Variants in TRIM37 observed in about 807,000 individuals in gnomAD.
TRIM37 encodes tripartite motif containing 37.
TRIM37 carries 80 observed loss-of-function variants against 129.8 expected under a neutral mutation model. The ratio of observed to expected loss-of-function variants is 0.62; its 90% CI spans 0.51 to 0.74. TRIM37 has a LOEUF of 0.74. TRIM37 is among the 30% of genes least tolerant of loss of function. The pLI is 0.00. For missense variants in TRIM37, 1,054 were observed against 1,176.5 expected (o/e 0.90, Z 1.52); for synonymous variants, 389 against 387.1 (o/e 1.00, Z -0.06).
chr17:59,042,440 AAAAAAAAAAAT>A (rs1568065487), intron 16 of TRIM37, among the ~76,000 whole-genome samples: 32 of 65,422 alleles, frequency 4.9e-4, no homozygotes, highest in Non-Finnish European at 7.5e-4. Context: ...TTAAAAAAAA[AAAAAAAAAAAT>A]ATATATATAT....
At chr17:58,982,826 T>C (rs1219279381) in exon 25 of TRIM37, 3 of 1,316,932 alleles carry the variant, frequency 2.3e-6, no homozygotes, top group Non-Finnish European at 3.2e-6. Flanking sequence ...ATTCTGAGGC[T>C]TTGCCCCACA....
At position 59,051,737 on chromosome 17, in the gene TRIM37, T is replaced by G. The variant is rs562572124; in HGVS notation, c.1200-409A>C. The stretch of plus-strand genomic sequence containing the variant: ...TGAGGCCCCAGCAAAATACAAAGTT[T>G]TTTTTTTTTTTGAGACGGAGTCTCG... On this transcript the variant is annotated intron_variant, in intron 13 of 23. Coordinates refer to ENST00000262294, the MANE Select transcript of TRIM37 (RefSeq NM_015294.6). Among the ~76,000 whole-genome samples the G allele has an allele frequency of 1.9e-4, 29 of 151,996 alleles. 1 individual carries two copies. In the South Asian group the frequency reaches 6.0e-3, roughly 32 times the overall value.
rs780072740 is a variant in TRIM37, at chr17:59,001,769, G to T, written c.2696-55C>A. ...GAAAAGAAACCACTGTAAGTAAAAG[G>T]AAACAGAAATCTCCGTATCTGCTAA... On this transcript the variant is annotated intron_variant, in intron 22 of 23. Transcript: ENST00000262294. 6 of 1,604,480 alleles carry T rather than the reference G, an allele frequency of 3.7e-6. No homozygotes were observed. In the Admixed American group the frequency reaches 1.0e-4, roughly 27 times the overall value.
intron 19 of TRIM37, among the ~76,000 whole-genome samples, chr17:59,019,683 G>A (rs574437962): frequency 1.3e-5 from 2 of 151,994 alleles, no homozygotes; most frequent in Non-Finnish European, 2.9e-5. Flanking sequence ...GCTCCAGCCT[G>A]GGTAACAGGG....
At chr17:59,026,724 G>A (rs1351765864) in intron 19 of TRIM37, among the ~76,000 whole-genome samples, 4 of 152,112 alleles carry the variant, frequency 2.6e-5, no homozygotes, top group Non-Finnish European at 4.4e-5. Flanking sequence ...TAAAGAAGTT[G>A]TGCATTTGTG....
intron 19 of TRIM37, among the ~76,000 whole-genome samples, chr17:59,021,171 C>G (rs1305440350): frequency 1.3e-5 from 2 of 152,162 alleles, no homozygotes; most frequent in Non-Finnish European, 2.9e-5. Context: ...TCAAGTGGAT[C>G]ATTTGAGGTC....
chr17:59,104,724 T>C (rs934793221), intron 1 of TRIM37, among the ~76,000 whole-genome samples: 8 of 152,132 alleles, frequency 5.3e-5, no homozygotes, highest in African/African-American at 1.9e-4. Context: ...ATTATGGCAG[T>C]TACACATAGA....
rs2043217820 is a variant in TRIM37 at position 59,081,132 on chromosome 17, G to A, written c.457C>T (p.Arg153Cys). The change falls in exon 6 of 24, where the codon CGT becomes TGT. Residue 153 changes from arginine (R) to cysteine (C), a missense_variant. Coordinates refer to ENST00000262294, the MANE Select transcript of TRIM37 (RefSeq NM_015294.6). Reference protein sequence around the residue: ...VNEEVAKLRRRLMELISLVQE... With the variant: ...VNEEVAKLRRCLMELISLVQE... ...ACTAAGCTGATCAGTTCCATGAGACGCCGACGAAGTTTGGCTACCTCTTCA... is the reference window on the plus strand; with the variant it reads ...ACTAAGCTGATCAGTTCCATGAGACACCGACGAAGTTTGGCTACCTCTTCA... The A allele has an allele frequency of 2.5e-6, 4 of 1,613,406 alleles. No homozygotes were observed. Among genetic ancestry groups the A allele is most frequent in the Non-Finnish European group, 3.4e-6 (4 of 1,179,712 alleles).
chr17:59,052,957 AAAATCAAATCAAATC>A (rs60696585), intron 13 of TRIM37, among the ~76,000 whole-genome samples: 80 of 142,436 alleles, frequency 5.6e-4, no homozygotes, highest in Admixed American at 3.3e-3. Context: ...TCTGTCTCAA[AAAATCAAATCAAATC>A]AAATCAAATC....
chr17:59,027,118 CCTCT>C (rs1001418934), intron 19 of TRIM37, among the ~76,000 whole-genome samples: 3 of 152,144 alleles, frequency 2.0e-5, no homozygotes, highest in South Asian at 2.1e-4. Flanking sequence ...CCAGCATTGA[CCTCT>C]CTCTGAGTTT....
chr17:59,056,797 C>CA, intron 13 of TRIM37, 78 bp downstream of exon 13: 1 of 1,012,992 alleles, frequency 9.9e-7, no homozygotes, highest in Non-Finnish European at 1.4e-6. Context: ...CTTTGTTAAC[C>CA]AAATGATCTT....
In TRIM37 at chr17:59,087,920, A is replaced by G. The variant is rs149534524; in HGVS notation, c.281+371T>C. The G allele has an allele frequency of 9.0e-4, 319 of 353,632 alleles. 1 individual carries two copies. Among genetic ancestry groups the G allele is most frequent in the African/African-American group, 5.7e-3 (275 of 48,148 alleles). 21.9% of individuals were successfully genotyped at this position (353,632 alleles called of 1,614,324 possible). ...GTTCAAAATTCTTCAATCATGGAAC[A>G]TAAGACCATTTATTCATTCTTGTCC... On this transcript the variant is annotated intron_variant, in intron 4 of 23. Transcript: ENST00000262294.
chr17:58,980,447 A>C, downstream of TRIM37: 1 of 1,614,152 alleles, frequency 6.2e-7, no homozygotes, highest in Non-Finnish European at 8.5e-7. This position sits in a 1 kb window ranked among gnomAD's most constrained non-coding sequence, Gnocchi z 4.7. Context: ...GTCCCAAATC[A>C]ACGTGCTGGA....
intron 19 of TRIM37, among the ~76,000 whole-genome samples, chr17:59,019,362 C>T (rs2036311702): frequency 6.6e-6 from 1 of 152,072 alleles, no homozygotes; most frequent in South Asian, 2.1e-4. Context: ...CTTGAAAGGG[C>T]TGTGTTAAGT....
intron 12 of TRIM37, among the ~76,000 whole-genome samples, chr17:59,059,823 C>A (rs189063952): frequency 6.6e-6 from 1 of 152,194 alleles, no homozygotes; most frequent in South Asian, 2.1e-4. Context: ...CTAATTTCTG[C>A]TATCGAGACA....
At chr17:59,001,535 G>A in intron 23 of TRIM37, 63 bp downstream of exon 23, 1 of 1,606,888 alleles carries the variant, frequency 6.2e-7, no homozygotes, top group Non-Finnish European at 8.5e-7. Context: ...AGCAGAAGAA[G>A]AAGAAAGAGA....
At chr17:59,060,971 A>C (rs2041435644) in intron 12 of TRIM37, 61 bp downstream of exon 12, 1 of 1,266,454 alleles carries the variant, frequency 7.9e-7, no homozygotes. Context: ...AATTAACAAA[A>C]ATTGCTAGGG....
intron 10 of TRIM37, 160 bp downstream of exon 10, chr17:59,064,195 C>T: frequency 6.2e-6 from 4 of 643,750 alleles, no homozygotes; most frequent in Non-Finnish European, 8.2e-6. Context: ...CAATATAATC[C>T]AGCACAAATT....
At chr17:59,022,226 A>G (rs753708353) in intron 19 of TRIM37, among the ~76,000 whole-genome samples, 2 of 152,226 alleles carry the variant, frequency 1.3e-5, no homozygotes, top group Non-Finnish European at 2.9e-5. Flanking sequence ...GTAAAATATT[A>G]GCAAACTGAA....
Sources: allele counts gnomAD v4.1 joint callset (sites outside exome capture counted in the v4.1 genomes callset), GRCh38; gene constraint gnomAD v4.1.1; non-coding constraint Gnocchi (gnomAD v3.1); transcripts MANE v1.5; gene names NCBI Gene and HGNC (gene_info 2026-07-23, HGNC 2026-07-21).